The following ATP2A2 variants were observed in gnomAD, a reference collection of about 807,000 sequenced individuals.
The protein encoded by ATP2A2 is sarcoplasmic/endoplasmic reticulum calcium ATPase 2.
A neutral mutation model predicts 109.3 loss-of-function variants in ATP2A2; 14 were observed. The observed-to-expected ratio is 0.13, with a 90% confidence interval of 0.08 to 0.20. The LOEUF is 0.20. Ranked by LOEUF, ATP2A2 falls within the 10% of genes least tolerant of loss-of-function variation. The pLI is 1.00. For synonymous variants in ATP2A2, 506 were observed against 490.9 expected, an observed-to-expected ratio of 1.03 and a Z score of -0.41; for missense variants, 657 against 1,321.6, an observed-to-expected ratio of 0.50 and a Z score of 7.80.
Position 110,340,647 on chromosome 12 carries a change from C to T in ATP2A2, c.1762-12C>T, listed in dbSNP as rs1233094754. On this transcript the variant is annotated splice_polypyrimidine_tract_variant and intron_variant, in intron 13 of 19. Transcript: ENST00000539276. The surrounding 1 kb of genome is among the most constrained non-coding windows in gnomAD (Gnocchi z 6.0). ...CTTGCCACTTTTATTTAAAGTGATGCTCTTATTTTAGACCAATCTGACCTT... is the reference window on the plus strand; with the variant it reads ...CTTGCCACTTTTATTTAAAGTGATGTTCTTATTTTAGACCAATCTGACCTT... 3 of 1,613,718 alleles carry T rather than the reference C, an allele frequency of 1.9e-6. No homozygotes were observed. Among genetic ancestry groups the T allele is most frequent in the African/African-American group, 2.7e-5 (2 of 74,906 alleles).
chr12:110,286,400 TG>T (rs1872665149), intron 3 of ATP2A2, among the ~76,000 whole-genome samples: 1 of 152,210 alleles, frequency 6.6e-6, no homozygotes, highest in South Asian at 2.1e-4. Context: ...ATTTTAAAAA[TG>T]GGATAAGAAG....
intron 5 of ATP2A2, among the ~76,000 whole-genome samples, chr12:110,312,948 A>T (rs1876251147): frequency 6.6e-6 from 1 of 152,200 alleles, no homozygotes; most frequent in Non-Finnish European, 1.5e-5. Flanking sequence ...GCCAAGGTAT[A>T]AATTATTACT....
chr12:110,307,330 T>C lies in ATP2A2; in HGVS notation c.463+10593T>C, dbSNP rs79904110. Reference sequence around the variant, plus strand: ...CATTGAGCCATGGCTTTCCAGGCTCTAGTGACCCTCCCACCTGAGCCTTCC... The same window carrying C: ...CATTGAGCCATGGCTTTCCAGGCTCCAGTGACCCTCCCACCTGAGCCTTCC... On this transcript the variant is annotated intron_variant, in intron 5 of 19. Transcript: ENST00000539276. Among the ~76,000 whole-genome samples the C allele has an allele frequency of 1.4e-3, 210 of 150,800 alleles. 1 individual carries two copies. The highest frequency in any genetic ancestry group is 5.0e-3 in the African/African-American group (205 of 41,086).
chr12:110,349,989 G>C lies in ATP2A2; in HGVS notation c.*3519G>C. On this transcript the variant is annotated 3_prime_UTR_variant, in exon 20 of 20. Coordinates refer to ENST00000539276, the MANE Select transcript of ATP2A2 (RefSeq NM_170665.4). ...TAACCAAGACCTTGTCCTCTTGCCT[G>C]TCTCGCTGCTTTCACAGCTGCAACG... 7.6e-7 allele frequency: 1 copy of C among 1,319,020 alleles called. No homozygotes were observed. Among genetic ancestry groups the C allele is most frequent in the South Asian group, 1.6e-5 (1 of 61,692 alleles). 81.7% of individuals were successfully genotyped at this position (1,319,020 alleles called of 1,614,324 possible). A position where few individuals can be genotyped will look rare whatever the true frequency, so the allele number is the denominator to read the frequency against.
intron 11 of ATP2A2, among the ~76,000 whole-genome samples, chr12:110,338,301 A>G (rs1231173758): frequency 6.6e-6 from 1 of 152,190 alleles, no homozygotes; most frequent in Non-Finnish European, 1.5e-5. Context: ...GTGCTTATCC[A>G]TCACGTGTGA....
chr12:110,342,467 A>C lies in ATP2A2; in HGVS notation c.2318+19A>C, dbSNP rs761117148. 3.1e-6 allele frequency: 5 copies of C among 1,610,346 alleles called. No homozygotes were observed. In the East Asian group the frequency reaches 1.1e-4, roughly 36 times the overall value. ...TTGTCTGGTAGGTCTCTGTGACAGC[A>C]TCACTTACTGTACGCCTTTATCTAA... On this transcript the variant is annotated intron_variant, in intron 15 of 19. Transcript: ENST00000539276. The surrounding 1 kb of genome is among the most constrained non-coding windows in gnomAD (Gnocchi z 4.6).
rs749290150 is a variant in ATP2A2, at chr12:110,342,494, T to TG, written c.2318+49dup. 195 of 1,589,762 alleles carry TG rather than the reference T, an allele frequency of 1.2e-4. No individual in the cohort carries two copies. Among genetic ancestry groups the TG allele is most frequent in the Non-Finnish European group, 1.6e-4 (187 of 1,161,844 alleles). On this transcript the variant is annotated intron_variant, in intron 15 of 19. Transcript: ENST00000539276. The surrounding 1 kb of genome is among the most constrained non-coding windows in gnomAD (Gnocchi z 4.6). ...CACTTACTGTACGCCTTTATCTAAA[T>TG]GGGTCATGGAGCCCAGTTCTCGCAG...
Position 110,294,652 on chromosome 12 carries a change from A to G in ATP2A2, c.325-1947A>G, listed in dbSNP as rs182447679. Reference sequence around the variant, plus strand: ...CGACAGAGCTAGACTTCGTCTCAGAAAAAAAAGATTCGAGTTTTTAAAAAA... The same window carrying G: ...CGACAGAGCTAGACTTCGTCTCAGAGAAAAAAGATTCGAGTTTTTAAAAAA... On this transcript the variant is annotated intron_variant, in intron 4 of 19. Coordinates refer to ENST00000539276, the MANE Select transcript of ATP2A2 (RefSeq NM_170665.4). Among the ~76,000 whole-genome samples the G allele has an allele frequency of 1.3e-3, 204 of 152,272 alleles. 5 individuals carry two copies. The highest frequency in any genetic ancestry group is 0.011 in the Admixed American group (164 of 15,290).
rs1879992235 is a variant in ATP2A2 at position 110,347,514 on chromosome 12, C to T, written c.*1044C>T. 3 of 1,288,712 alleles carry T rather than the reference C, an allele frequency of 2.3e-6. No individual in the cohort carries two copies. The highest frequency in any genetic ancestry group is 1.5e-5 in the African/African-American group (1 of 65,936). 79.8% of individuals were successfully genotyped at this position (1,288,712 alleles called of 1,614,324 possible). A position where few individuals can be genotyped will look rare whatever the true frequency, so the allele number is the denominator to read the frequency against. On this transcript the variant is annotated 3_prime_UTR_variant, in exon 20 of 20. Transcript: ENST00000539276. ...GGCACTAATTGTCATCTGTGATGTACATTTTATGCAAGTTTCTGCTGGCCT... is the reference window on the plus strand; with the variant it reads ...GGCACTAATTGTCATCTGTGATGTATATTTTATGCAAGTTTCTGCTGGCCT...
intron 17 of ATP2A2, 50 bp downstream of exon 17, chr12:110,345,021 C>CCTTG: frequency 6.3e-7 from 1 of 1,578,698 alleles, no homozygotes; most frequent in Non-Finnish European, 8.7e-7. Context: ...TGTTGTGAGG[C>CCTTG]CTTGACCTTT....
intron 3 of ATP2A2, among the ~76,000 whole-genome samples, chr12:110,287,218 A>C (rs1872750420): frequency 6.6e-6 from 1 of 152,032 alleles, no homozygotes. Context: ...GCGCCACTGC[A>C]CTCCAGCCTG....
intron 5 of ATP2A2, among the ~76,000 whole-genome samples, chr12:110,306,194 A>G (rs1875303892): frequency 6.6e-6 from 1 of 152,088 alleles, no homozygotes; most frequent in South Asian, 2.1e-4. Context: ...GCCTGCCACC[A>G]TGCCCAGCTA....
chr12:110,286,597 G>A lies in ATP2A2; in HGVS notation c.219+3802G>A, dbSNP rs1209668294. On this transcript the variant is annotated intron_variant, in intron 3 of 19. Transcript: ENST00000539276. ...AGTTCTAATTCATGCTTTTTTTTCC[G>A]TTTTATTAATGACTGAAAGTCCTCC... Among the ~76,000 whole-genome samples, 4 of 149,938 alleles carry A rather than the reference G, an allele frequency of 2.7e-5. No individual in the cohort carries two copies. In the East Asian group the frequency reaches 5.8e-4, roughly 22 times the overall value.
chr12:110,317,978 CAA>C lies in ATP2A2; in HGVS notation c.464-5012_464-5011del, dbSNP rs1390555843. On this transcript the variant is annotated intron_variant, in intron 5 of 19. Coordinates refer to ENST00000539276, the MANE Select transcript of ATP2A2 (RefSeq NM_170665.4). ...TTCTTTTATTGTACCTGCCTCCACCCAAAGAGTCAGAGAAAAACATTTGGAAG... is the reference window on the plus strand; with the variant it reads ...TTCTTTTATTGTACCTGCCTCCACCCAGAGTCAGAGAAAAACATTTGGAAG... Among the ~76,000 whole-genome samples, 3 of 152,274 alleles carry C rather than the reference CAA, an allele frequency of 2.0e-5. No individual in the cohort carries two copies. The East Asian group carries it at 5.8e-4, about 29-fold the overall frequency.
Position 110,347,262 on chromosome 12 carries a change from T to TATTTCAGTGGCACGTCA in ATP2A2, c.*793_*809dup. 1 of 1,239,116 alleles carries TATTTCAGTGGCACGTCA rather than the reference T, an allele frequency of 8.1e-7. No homozygotes were observed. Among genetic ancestry groups the TATTTCAGTGGCACGTCA allele is most frequent in the South Asian group, 1.4e-5 (1 of 72,156 alleles). 76.8% of individuals were successfully genotyped at this position (1,239,116 alleles called of 1,614,324 possible). ...CAGACATTGTTTTGCCAACATTGCCTATTTCAGTGGCACGTCATCTAGTTT... is the reference window on the plus strand; with the variant it reads ...CAGACATTGTTTTGCCAACATTGCCTATTTCAGTGGCACGTCAATTTCAGTGGCACGTCATCTAGTTT... On this transcript the variant is annotated 3_prime_UTR_variant, in exon 20 of 20. Coordinates refer to ENST00000539276, the MANE Select transcript of ATP2A2 (RefSeq NM_170665.4).
At chr12:110,301,657 T>C (rs1311661393) in intron 5 of ATP2A2, among the ~76,000 whole-genome samples, 1 of 152,230 alleles carries the variant, frequency 6.6e-6, no homozygotes, top group Non-Finnish European at 1.5e-5. Flanking sequence ...TCCACACAAG[T>C]GCCAGAGTGG....
chr12:110,344,767 G>C (rs900462199), intron 16 of ATP2A2, 119 bp from the exon 17 acceptor site: 3 of 982,400 alleles, frequency 3.1e-6, no homozygotes, highest in Non-Finnish European at 4.9e-6. Flanking sequence ...CACAGGCCCC[G>C]GTTACCATCA....
chr12:110,326,522 C>A, intron 7 of ATP2A2, 47 bp downstream of exon 7: 1 of 1,504,474 alleles, frequency 6.6e-7, no homozygotes, highest in Non-Finnish European at 9.2e-7. Context: ...ATTTCCAAAG[C>A]CTAATCAAAT....
chr12:110,332,326 C>T (rs1418425791), intron 8 of ATP2A2: 1 of 450,520 alleles, frequency 2.2e-6, no homozygotes, highest in Non-Finnish European at 4.1e-6. Context: ...GGTGCCACTG[C>T]TGCTCATTCA....
Sources: allele counts gnomAD v4.1 joint callset (sites outside exome capture counted in the v4.1 genomes callset), GRCh38; gene constraint gnomAD v4.1.1; non-coding constraint Gnocchi (gnomAD v3.1); transcripts MANE v1.5; gene names NCBI Gene and HGNC (gene_info 2026-07-23, HGNC 2026-07-21).